The following CNTN5 variants were observed in gnomAD, a reference collection of about 807,000 sequenced individuals.
The protein encoded by CNTN5 is contactin-5.
In CNTN5, 77 loss-of-function variants were observed where a neutral mutation model predicts 129.1. That is an observed-to-expected ratio of 0.60 (90% CI 0.50 to 0.72). The LOEUF (loss-of-function observed/expected upper bound fraction) is 0.72, where lower values mean the gene tolerates loss of function less well. Ranked by LOEUF, CNTN5 falls within the 30% of genes least tolerant of loss-of-function variation. CNTN5 has a pLI of 0.00. For synonymous variants in CNTN5, 509 were observed against 465.6 expected (o/e 1.09, Z -1.20); for missense variants, 1,478 against 1,328.8 (o/e 1.11, Z -1.75).
chr11:100,210,621 G>T (rs535945485), intron 15 of CNTN5, among the ~76,000 whole-genome samples: 1 of 152,246 alleles, frequency 6.6e-6, no homozygotes, highest in East Asian at 1.9e-4. Context: ...AATGATGATA[G>T]ATTACATTAG....
intron 3 of CNTN5, among the ~76,000 whole-genome samples, chr11:99,589,478 T>G (rs1448282702): frequency 6.6e-6 from 1 of 152,194 alleles, no homozygotes; most frequent in Non-Finnish European, 1.5e-5. Context: ...ACATGTATAT[T>G]TAGAATATGA....
intron 16 of CNTN5, among the ~76,000 whole-genome samples, chr11:100,226,957 G>T (rs1949387662): frequency 6.6e-6 from 1 of 152,004 alleles, no homozygotes; most frequent in South Asian, 2.1e-4. Context: ...CCAAAGTTGA[G>T]CATTCTAGAT....
intron 18 of CNTN5, among the ~76,000 whole-genome samples, chr11:100,294,967 C>G (rs1333310204): frequency 6.6e-6 from 1 of 151,548 alleles, no homozygotes; most frequent in Non-Finnish European, 1.5e-5. Context: ...AATTAGAGTA[C>G]CCAATTCAAA....
intron 1 of CNTN5, among the ~76,000 whole-genome samples, chr11:99,279,689 G>A (rs574685460): frequency 1.3e-4 from 20 of 151,676 alleles, no homozygotes; most frequent in African/African-American, 4.3e-4. Context: ...AATTGAATAA[G>A]TCCGTGTTAT....
At chr11:99,219,614 G>A (rs1860298237) in intron 1 of CNTN5, among the ~76,000 whole-genome samples, 1 of 150,964 alleles carries the variant, frequency 6.6e-6, no homozygotes, top group Admixed American at 6.6e-5. Context: ...ACATCTTTCA[G>A]CACTTGTAGA....
At chr11:99,150,380 T>G (rs975691610) in intron 1 of CNTN5, among the ~76,000 whole-genome samples, 6 of 152,018 alleles carry the variant, frequency 3.9e-5, no homozygotes, top group African/African-American at 1.4e-4. Context: ...ATGCAAATCT[T>G]TGTTGAAGAT....
intron 2 of CNTN5, among the ~76,000 whole-genome samples, chr11:99,355,680 T>A (rs1157738574): frequency 6.6e-6 from 1 of 152,158 alleles, no homozygotes; most frequent in Non-Finnish European, 1.5e-5. Flanking sequence ...TGACTTAGTA[T>A]CTTAATCAGG....
intron 6 of CNTN5, among the ~76,000 whole-genome samples, chr11:99,867,159 A>G (rs953629105): frequency 6.6e-6 from 1 of 152,208 alleles, no homozygotes; most frequent in African/African-American, 2.4e-5. Flanking sequence ...AGCAATAAAC[A>G]TGTTGCATCT....
intron 1 of CNTN5, among the ~76,000 whole-genome samples, chr11:99,139,275 C>T (rs966486042): frequency 1.8e-4 from 28 of 152,164 alleles, no homozygotes; most frequent in African/African-American, 6.3e-4. Context: ...CCATATCAAA[C>T]GCAAAACAAA....
Position 99,738,616 on chromosome 11 carries a change from C to CGTGTGTGTGTGTGTGTGTGT in CNTN5, c.56-80921_56-80902dup, listed in dbSNP as rs113729274. On this transcript the variant is annotated intron_variant, in intron 3 of 24. Coordinates refer to ENST00000524871, the MANE Select transcript of CNTN5 (RefSeq NM_014361.4). Reference sequence around the variant, plus strand: ...AAATGATACATTCATAAGACAGTAACGTGTGTGTGTGTGTGTGTGTGTGTG... The same window carrying CGTGTGTGTGTGTGTGTGTGT: ...AAATGATACATTCATAAGACAGTAACGTGTGTGTGTGTGTGTGTGTGTGTGTGTGTGTGTGTGTGTGTGTG... 6.9e-3 allele frequency among the ~76,000 whole-genome samples: 990 copies of CGTGTGTGTGTGTGTGTGTGT among 142,970 alleles called. 10 individuals are homozygous for CGTGTGTGTGTGTGTGTGTGT. The highest frequency in any genetic ancestry group is 0.019 in the African/African-American group (729 of 38,280). 93.8% of individuals were successfully genotyped at this position (142,970 alleles called of 152,430 possible).
intron 9 of CNTN5, among the ~76,000 whole-genome samples, chr11:100,036,227 C>T (rs1489950702): frequency 1.3e-5 from 2 of 152,210 alleles, no homozygotes; most frequent in South Asian, 2.1e-4. Context: ...AATAGGGAAT[C>T]CTTTCCCCAT....
At chr11:100,047,129 G>GA (rs1565824692) in intron 9 of CNTN5, among the ~76,000 whole-genome samples, 1 of 151,824 alleles carries the variant, frequency 6.6e-6, no homozygotes, top group Non-Finnish European at 1.5e-5. Context: ...GTACAGGGCG[G>GA]AAAAACTAAG....
rs542218396 is a variant in CNTN5 at position 99,165,304 on chromosome 11, T to C, written c.-210+144034T>C. ...TAAAAGAGTCATTCACTAAATTTAC[T>C]AAGTAAGCAATATTTCAGACACAAA... On this transcript the variant is annotated intron_variant, in intron 1 of 24. Transcript: ENST00000524871. Among the ~76,000 whole-genome samples, 6 of 152,308 alleles carry C rather than the reference T, an allele frequency of 3.9e-5. No individual in the cohort carries two copies. In the East Asian group the frequency reaches 1.2e-3, roughly 29 times the overall value.
At chr11:100,053,598 T>C (rs1211833854) in intron 9 of CNTN5, among the ~76,000 whole-genome samples, 1 of 151,718 alleles carries the variant, frequency 6.6e-6, no homozygotes, top group Non-Finnish European at 1.5e-5. Flanking sequence ...GTAGAACAAC[T>C]GGAAATTTCC....
intron 3 of CNTN5, among the ~76,000 whole-genome samples, chr11:99,814,795 C>T (rs1946531291): frequency 6.6e-6 from 1 of 151,932 alleles, no homozygotes; most frequent in Non-Finnish European, 1.5e-5. Context: ...TAGTCTGTCT[C>T]CACCCTGCTA....
At chr11:99,523,461 C>T (rs757130877) in intron 2 of CNTN5, among the ~76,000 whole-genome samples, 3 of 151,826 alleles carry the variant, frequency 2.0e-5, no homozygotes, top group South Asian at 2.1e-4. Flanking sequence ...CAGGTGTGAT[C>T]GTGTGTGCCT....
At chr11:100,087,407 A>C (rs1408510263) in intron 13 of CNTN5, among the ~76,000 whole-genome samples, 1 of 151,906 alleles carries the variant, frequency 6.6e-6, no homozygotes, top group Non-Finnish European at 1.5e-5. Context: ...AAAAAAAATA[A>C]GAACAAATGA....
At chr11:99,510,835 T>C (rs1946808019) in intron 2 of CNTN5, among the ~76,000 whole-genome samples, 1 of 152,208 alleles carries the variant, frequency 6.6e-6, no homozygotes, top group Non-Finnish European at 1.5e-5. Context: ...TCCTTTCAGA[T>C]ATTTTTTATA....
chr11:99,334,837 C>CTTT (rs10640322), intron 2 of CNTN5, among the ~76,000 whole-genome samples: 151,673 of 152,176 alleles, frequency 1, 75,589 homozygotes, highest in Middle Eastern at 1. Flanking sequence ...ATTCTTTTTT[C>CTTT]TTAATTGTTA....
Sources: allele counts gnomAD v4.1 joint callset (sites outside exome capture counted in the v4.1 genomes callset), GRCh38; gene constraint gnomAD v4.1.1; transcripts MANE v1.5; gene names NCBI Gene and HGNC (gene_info 2026-07-23, HGNC 2026-07-21).